Variants in GNAS observed in about 807,000 individuals in gnomAD.
GNAS encodes protein ALEX.
A neutral mutation model predicts 54.5 loss-of-function variants in GNAS; 8 were observed. The observed-to-expected ratio is 0.15, with a 90% CI of 0.09 to 0.26. GNAS has a LOEUF of 0.26. GNAS is among the 10% of genes least tolerant of loss of function. The pLI is 1.00. For synonymous variants in GNAS, 204 were observed against 191.4 expected, an observed-to-expected ratio of 1.07 and a Z score of -0.54; for missense variants, 170 against 529.8, an observed-to-expected ratio of 0.32 and a Z score of 6.67.
rs6026597 is a variant in GNAS, at chr20:58,910,519, G to T, written c.1038+118G>T. 4.4e-6 allele frequency: 5 copies of T among 1,127,864 alleles called. No homozygotes were observed. Among genetic ancestry groups the T allele is most frequent in the Admixed American group, 3.7e-5 (2 of 54,622 alleles). 69.9% of individuals were successfully genotyped at this position (1,127,864 alleles called of 1,614,324 possible). A position where few individuals can be genotyped will look rare whatever the true frequency, so the allele number is the denominator to read the frequency against. ...ACCCAGTTCCATGGTTTTAGTTCAC[G>T]CACATCCAGTGTGGATTTGAGCTCT... On this transcript the variant is annotated intron_variant, in intron 12 of 12. Coordinates refer to ENST00000371085, the MANE Select transcript of GNAS (RefSeq NM_000516.7). The surrounding 1 kb of genome is among the most constrained non-coding windows in gnomAD (Gnocchi z 5.8).
upstream of GNAS, chr20:58,840,544 C>T (rs771080206): frequency 2.5e-6 from 4 of 1,613,316 alleles, no homozygotes; most frequent in Non-Finnish European, 2.5e-6. The surrounding 1 kb of genome is among the most constrained non-coding windows in gnomAD (Gnocchi z 6.0). Flanking sequence ...ACGATCGCGG[C>T]CCGGTGGTGC....
At chr20:58,877,186 G>T (rs1187597058) in intron 1 of GNAS, among the ~76,000 whole-genome samples, 2 of 151,830 alleles carry the variant, frequency 1.3e-5, no homozygotes, top group African/African-American at 2.4e-5. Context: ...GGCTCGTGGT[G>T]GGGGGAAAGG....
chr20:58,855,796 G>C (rs574843500), intron 1 of GNAS: 8 of 607,512 alleles, frequency 1.3e-5, no homozygotes, highest in African/African-American at 1.1e-4. Context: ...TCGTTGGTGT[G>C]TGTTGGTGTC....
intron 1 of GNAS, chr20:58,895,051 G>T (rs1000624787): frequency 2.3e-5 from 4 of 171,616 alleles, no homozygotes; most frequent in African/African-American, 9.6e-5. Context: ...AGCCCAAGGG[G>T]TAGGAAACCT....
upstream of GNAS, chr20:58,890,522 G>A (rs2089095900): frequency 6.6e-6 from 1 of 152,294 alleles, no homozygotes; most frequent in African/African-American, 2.4e-5. Context: ...CCTCGTGGGT[G>A]CTCAACTTCC....
intron 3 of GNAS, chr20:58,903,307 A>T (rs774839176): frequency 9.8e-5 from 62 of 632,440 alleles, no homozygotes; most frequent in Non-Finnish European, 1.5e-4. Context: ...TTGCTAAGGC[A>T]ATTTGCTAAT....
At chr20:58,840,020 T>C (rs1482957402), upstream of GNAS, 5 of 1,498,128 alleles carry the variant, frequency 3.3e-6, no homozygotes, top group African/African-American at 1.4e-5. This position sits in a 1 kb window ranked among gnomAD's most constrained non-coding sequence, Gnocchi z 6.0. Flanking sequence ...AGGGTGTACC[T>C]TTCCCGGCTC....
intron 1 of GNAS, among the ~76,000 whole-genome samples, chr20:58,883,566 G>T (rs754510927): frequency 6.6e-6 from 1 of 152,138 alleles, no homozygotes; most frequent in Non-Finnish European, 1.5e-5. Context: ...ACTTCCAGTG[G>T]TCAGCAAGGA....
rs548077765 is a variant in GNAS at position 58,908,902 on chromosome 20, A to C, written c.531-260A>C. On this transcript the variant is annotated intron_variant, in intron 6 of 12. Transcript: ENST00000371085. The stretch of plus-strand genomic sequence containing the variant: ...TGTGTGGCCCCACTGCGTCGAGGCC[A>C]CAGGCTAGCTGCTAGACGCATCTAG... 3.3e-4 allele frequency: 188 copies of C among 570,272 alleles called. 1 individual carries two copies. The highest frequency in any genetic ancestry group is 3.3e-3 in the African/African-American group (175 of 53,764). The allele number at this position is 570,272 out of a possible 1,614,324, so 35.3% of individuals were successfully genotyped here. A position where few individuals can be genotyped will look rare whatever the true frequency, so the allele number is the denominator to read the frequency against.
chr20:58,897,219 C>G (rs1352802263), intron 2 of GNAS, among the ~76,000 whole-genome samples: 1 of 152,154 alleles, frequency 6.6e-6, no homozygotes, highest in Non-Finnish European at 1.5e-5. Context: ...CCAACCAATT[C>G]CGAAATTAAT....
At chr20:58,842,458 T>C in intron 1 of GNAS, 1 of 398,654 alleles carries the variant, frequency 2.5e-6, no homozygotes, top group Non-Finnish European at 4.4e-6. Flanking sequence ...TTCCAGGACC[T>C]ATTCCGTAGG....
chr20:58,894,849 C>A (rs2089891200), intron 1 of GNAS, among the ~76,000 whole-genome samples: 1 of 152,158 alleles, frequency 6.6e-6, no homozygotes, highest in African/African-American at 2.4e-5. Flanking sequence ...CTAATAGGGT[C>A]TCAGGAACTG....
chr20:58,906,137 G>A (rs182131891), intron 6 of GNAS, among the ~76,000 whole-genome samples: 4 of 152,182 alleles, frequency 2.6e-5, no homozygotes, highest in Admixed American at 6.5e-5. Flanking sequence ...GTACAATACC[G>A]TGGTGGGGTT....
chr20:58,899,223 G>GT (rs2090366096), intron 3 of GNAS, among the ~76,000 whole-genome samples: 1 of 152,230 alleles, frequency 6.6e-6, no homozygotes, highest in South Asian at 2.1e-4. Flanking sequence ...CTGGGGGAAA[G>GT]TTATAGATTT....
chr20:58,851,598 G>A (rs1032981925), intron 1 of GNAS, among the ~76,000 whole-genome samples: 1 of 152,204 alleles, frequency 6.6e-6, no homozygotes, highest in African/African-American at 2.4e-5. Flanking sequence ...GCAGACCCCA[G>A]ACCAGAGCAT....
chr20:58,903,430 A>G, intron 3 of GNAS, 101 bp from the exon 4 acceptor site: 1 of 997,078 alleles, frequency 1.0e-6, no homozygotes, highest in Non-Finnish European at 1.6e-6. Context: ...CTCCCTGAAG[A>G]ACAGAATACT....
upstream of GNAS, chr20:58,840,328 G>A (rs746422746): frequency 1.9e-6 from 3 of 1,612,930 alleles, no homozygotes; most frequent in Admixed American, 1.7e-5. This position sits in a 1 kb window ranked among gnomAD's most constrained non-coding sequence, Gnocchi z 6.0. Flanking sequence ...CCGGCGCCCA[G>A]GTATTCCCTG....
chr20:58,871,647 A>AG (rs1568947312), intron 1 of GNAS, among the ~76,000 whole-genome samples: 1 of 140,958 alleles, frequency 7.1e-6, no homozygotes, highest in Non-Finnish European at 1.5e-5. Context: ...CAAAAAAAAA[A>AG]CCAAAAAAAT....
chr20:58,862,677 A>C (rs1220888596), intron 1 of GNAS, among the ~76,000 whole-genome samples: 3 of 151,684 alleles, frequency 2.0e-5, no homozygotes, highest in African/African-American at 7.3e-5. Context: ...CACCTTTCAG[A>C]GTACATTCTT....
Sources: allele counts gnomAD v4.1 joint callset (sites outside exome capture counted in the v4.1 genomes callset), GRCh38; gene constraint gnomAD v4.1.1; non-coding constraint Gnocchi (gnomAD v3.1); transcripts MANE v1.5; gene names NCBI Gene and HGNC (gene_info 2026-07-23, HGNC 2026-07-21).